Variants in FARS2 observed in about 807,000 individuals in gnomAD.
FARS2 encodes the protein phenylalanyl-tRNA synthetase 2, mitochondrial.
A neutral mutation model predicts 46.4 loss-of-function variants in FARS2; 40 were observed. That is an observed-to-expected ratio of 0.86 (90% CI 0.67 to 1.12). The LOEUF (loss-of-function observed/expected upper bound fraction) is 1.12, where lower values mean the gene tolerates loss of function less well. FARS2 is among the 50% of genes most tolerant of loss of function. The pLI is 0.00. For synonymous variants in FARS2, 234 were observed against 214.9 expected, an observed-to-expected ratio of 1.09 and a Z score of -0.78; for missense variants, 513 against 567.9, an observed-to-expected ratio of 0.90 and a Z score of 0.98.
intron 1 of FARS2, among the ~76,000 whole-genome samples, chr6:5,363,427 G>A (rs938030663): frequency 6.6e-6 from 1 of 151,532 alleles, no homozygotes; most frequent in African/African-American, 2.4e-5. Flanking sequence ...TTTTGTTTTT[G>A]CTGACCAATT....
At chr6:5,624,705 T>G (rs1775944077) in intron 6 of FARS2, among the ~76,000 whole-genome samples, 1 of 152,166 alleles carries the variant, frequency 6.6e-6, no homozygotes, top group African/African-American at 2.4e-5. Flanking sequence ...CATCCTTTGA[T>G]GTTCCCTGCC....
intron 4 of FARS2, among the ~76,000 whole-genome samples, chr6:5,536,145 G>A (rs113551062): frequency 6.7e-6 from 1 of 148,534 alleles, no homozygotes; most frequent in East Asian, 2.0e-4. Flanking sequence ...TCCACCTTCC[G>A]GGTTCACACC....
At chr6:5,472,908 A>G (rs1765884080) in intron 4 of FARS2, among the ~76,000 whole-genome samples, 1 of 152,212 alleles carries the variant, frequency 6.6e-6, no homozygotes, top group African/African-American at 2.4e-5. Context: ...TACAGAGAGC[A>G]CACATTCAGT....
intron 4 of FARS2, among the ~76,000 whole-genome samples, chr6:5,483,893 T>C (rs149583051): frequency 3.7e-3 from 568 of 152,150 alleles, no homozygotes; most frequent in African/African-American, 0.013. Context: ...ATGGAGTAAT[T>C]TGAACGGATT....
chr6:5,761,925 C>A (rs997457043), intron 6 of FARS2, among the ~76,000 whole-genome samples: 2 of 151,972 alleles, frequency 1.3e-5, no homozygotes, highest in African/African-American at 4.8e-5. Context: ...TCACATGAGA[C>A]TCATTGCAGC....
intron 4 of FARS2, among the ~76,000 whole-genome samples, chr6:5,515,055 G>T (rs1444312995): frequency 1.3e-5 from 2 of 151,948 alleles, no homozygotes; most frequent in Admixed American, 1.3e-4. Context: ...GGATTACACG[G>T]ACAAGCCTTC....
rs376845918 is a variant in FARS2 at position 5,584,388 on chromosome 6, A to C, written c.1066-28781A>C. Among the ~76,000 whole-genome samples, 183 of 152,282 alleles carry C rather than the reference A, an allele frequency of 1.2e-3. 2 individuals carry two copies. Among genetic ancestry groups the C allele is most frequent in the Admixed American group, 3.0e-3 (46 of 15,292 alleles). ...CACCCCAGCACCCCACCATCAGAAC[A>C]AACAAGCAGACCTTTTAGCTTGACT... On this transcript the variant is annotated intron_variant, in intron 5 of 6. Transcript: ENST00000274680.
intron 4 of FARS2, among the ~76,000 whole-genome samples, chr6:5,506,348 G>T (rs368695893): frequency 4.6e-5 from 7 of 152,310 alleles, no homozygotes; most frequent in African/African-American, 1.7e-4. Flanking sequence ...GAGAAAACAA[G>T]GCCAGCAGAA....
intron 4 of FARS2, among the ~76,000 whole-genome samples, chr6:5,535,899 A>G (rs961281935): frequency 6.6e-6 from 1 of 152,154 alleles, no homozygotes; most frequent in Non-Finnish European, 1.5e-5. Context: ...TGATCATGGT[A>G]TATGATCCTT....
chr6:5,374,712 T>C (rs1158312261), intron 2 of FARS2, among the ~76,000 whole-genome samples: 1 of 152,090 alleles, frequency 6.6e-6, no homozygotes, highest in African/African-American at 2.4e-5. Context: ...TTAAATGAAA[T>C]ATTTGAAAAT....
chr6:5,568,128 T>C (rs1165896506), intron 5 of FARS2, among the ~76,000 whole-genome samples: 2 of 152,232 alleles, frequency 1.3e-5, no homozygotes, highest in Admixed American at 1.3e-4. Context: ...GTCTCTGTCC[T>C]TCCCCCTTTC....
At chr6:5,766,772 T>C (rs189399424) in intron 6 of FARS2, among the ~76,000 whole-genome samples, 285 of 152,272 alleles carry the variant, frequency 1.9e-3, no homozygotes, top group African/African-American at 6.5e-3. Context: ...AGTTGTAAAA[T>C]ATGTCATTAC....
intron 4 of FARS2, among the ~76,000 whole-genome samples, chr6:5,468,861 G>A (rs1765657447): frequency 6.6e-6 from 1 of 152,186 alleles, no homozygotes; most frequent in Non-Finnish European, 1.5e-5. Flanking sequence ...GATGTTCCTG[G>A]ATAGTCATAT....
At chr6:5,387,720 C>T (rs1251625415) in intron 2 of FARS2, among the ~76,000 whole-genome samples, 2 of 152,098 alleles carry the variant, frequency 1.3e-5, no homozygotes, top group Non-Finnish European at 2.9e-5. Flanking sequence ...CTCCAGAGGT[C>T]GTGATGTTAT....
intron 6 of FARS2, among the ~76,000 whole-genome samples, chr6:5,696,516 A>G (rs1302304873): frequency 6.6e-6 from 1 of 152,188 alleles, no homozygotes; most frequent in Non-Finnish European, 1.5e-5. Flanking sequence ...ATGGCCCCTC[A>G]AGTAGCCATT....
At chr6:5,399,934 T>G (rs1761155071) in intron 2 of FARS2, among the ~76,000 whole-genome samples, 2 of 152,160 alleles carry the variant, frequency 1.3e-5, no homozygotes, top group African/African-American at 4.8e-5. Flanking sequence ...AATGAAAATT[T>G]TGTGCATGTG....
intron 2 of FARS2, among the ~76,000 whole-genome samples, chr6:5,390,772 G>C (rs1483577252): frequency 1.3e-5 from 2 of 152,166 alleles, no homozygotes; most frequent in African/African-American, 4.8e-5. Flanking sequence ...GCTGCCCCAG[G>C]TATGGCCCCT....
intron 4 of FARS2, among the ~76,000 whole-genome samples, chr6:5,439,723 T>C (rs937636642): frequency 3.3e-5 from 5 of 152,226 alleles, no homozygotes; most frequent in Non-Finnish European, 7.3e-5. Flanking sequence ...TCCACTTGTC[T>C]ATTTACTCTG....
At chr6:5,567,660 G>A (rs1288365231) in intron 5 of FARS2, among the ~76,000 whole-genome samples, 1 of 152,226 alleles carries the variant, frequency 6.6e-6, no homozygotes, top group African/African-American at 2.4e-5. Context: ...ACAATAGATG[G>A]AGGATAAAGA....
Sources: allele counts gnomAD v4.1 joint callset (sites outside exome capture counted in the v4.1 genomes callset), GRCh38; gene constraint gnomAD v4.1.1; transcripts MANE v1.5; gene names NCBI Gene and HGNC (gene_info 2026-07-23, HGNC 2026-07-21).